The following SLC38A12 variants were observed in gnomAD, a reference collection of about 807,000 sequenced individuals.
SLC38A12 encodes the protein putative sodium-coupled neutral amino acid transporter 12.
At chr17:74,781,768 T>C in the SLC38A12 span, among the ~76,000 whole-genome samples, 1 of 152,246 alleles carries the variant, frequency 6.6e-6, no homozygotes, top group Admixed American at 6.5e-5. Flanking sequence ...GTTAGTGCCC[T>C]GCTTAAAATG....
the SLC38A12 span, chr17:74,777,604 C>T: frequency 1.5e-5 from 23 of 1,497,372 alleles, no homozygotes; most frequent in Non-Finnish European, 2.0e-5. Flanking sequence ...TCAAGCCAAA[C>T]AAAATCGCCA....
the SLC38A12 span, chr17:74,839,439 C>G: frequency 1.8e-5 from 5 of 284,858 alleles, no homozygotes; most frequent in Admixed American, 4.6e-5. Context: ...GATTCCCAAG[C>G]AAGGGTGACC....
the SLC38A12 span, chr17:74,795,674 T>A: frequency 6.6e-7 from 1 of 1,515,620 alleles, no homozygotes; most frequent in Non-Finnish European, 9.2e-7. Context: ...CAGCCCAGCC[T>A]GCACAGCTGA....
the SLC38A12 span, among the ~76,000 whole-genome samples, chr17:74,781,387 C>T: frequency 1.4e-4 from 21 of 152,160 alleles, no homozygotes; most frequent in South Asian, 4.2e-4. Context: ...TGGGCTCAGG[C>T]GATTTTCCCA....
the SLC38A12 span, among the ~76,000 whole-genome samples, chr17:74,822,065 G>A: frequency 2.6e-5 from 4 of 152,186 alleles, no homozygotes; most frequent in East Asian, 1.9e-4. Flanking sequence ...ATTCCTCCCC[G>A]TGTCTGGGGA....
At chr17:74,793,174 C>G in the SLC38A12 span, among the ~76,000 whole-genome samples, 1 of 152,192 alleles carries the variant, frequency 6.6e-6, no homozygotes, top group Non-Finnish European at 1.5e-5. Flanking sequence ...CTCCTCTACC[C>G]TGGAGTTTCT....
chr17:74,788,719 T>C, the SLC38A12 span: 2 of 1,390,840 alleles, frequency 1.4e-6, no homozygotes, highest in South Asian at 2.4e-5. Context: ...GTTCTTACAA[T>C]GGTGTTTTCC....
chr17:74,798,896 G>A, the SLC38A12 span, among the ~76,000 whole-genome samples: 1 of 152,228 alleles, frequency 6.6e-6, no homozygotes, highest in Non-Finnish European at 1.5e-5. Context: ...ACAGTCAGAA[G>A]TTGGCATTTC....
chr17:74,838,571 T>G, the SLC38A12 span: 2 of 1,196,348 alleles, frequency 1.7e-6, no homozygotes, highest in Non-Finnish European at 2.1e-6. Context: ...GGTGGCCGTG[T>G]TCCCTGCCCT....
the SLC38A12 span, chr17:74,836,393 G>A: frequency 1.2e-6 from 2 of 1,611,738 alleles, no homozygotes; most frequent in Admixed American, 1.7e-5. This position sits in a 1 kb window ranked among gnomAD's most constrained non-coding sequence, Gnocchi z 4.2. Flanking sequence ...ACCGCGTCGT[G>A]TTTCCCACCA....
At chr17:74,839,637 A>G in the SLC38A12 span, 1 of 157,950 alleles carries the variant, frequency 6.3e-6, no homozygotes, top group Non-Finnish European at 1.4e-5. Flanking sequence ...AGCCTCCGTG[A>G]CCTGTCCTCC....
At chr17:74,823,056 G>A in the SLC38A12 span, among the ~76,000 whole-genome samples, 2 of 152,132 alleles carry the variant, frequency 1.3e-5, no homozygotes, top group Non-Finnish European at 2.9e-5. Context: ...TTGTCAGTTC[G>A]CCACAAACTC....
At chr17:74,795,660 GC>G in the SLC38A12 span, 2 of 1,577,782 alleles carry the variant, frequency 1.3e-6, no homozygotes, top group African/African-American at 1.3e-5. Context: ...TGTGCCGCCT[GC>G]CCCAGCCCAG....
At chr17:74,815,841 G>A in the SLC38A12 span, among the ~76,000 whole-genome samples, 1 of 152,358 alleles carries the variant, frequency 6.6e-6, no homozygotes. Flanking sequence ...CAAGAGGAAA[G>A]TGGAGGCTCC....
chr17:74,802,134 C>T, the SLC38A12 span, among the ~76,000 whole-genome samples: 1 of 152,198 alleles, frequency 6.6e-6, no homozygotes, highest in South Asian at 2.1e-4. Flanking sequence ...CCTCCACCCT[C>T]ATCCCCAGTG....
the SLC38A12 span, chr17:74,791,118 T>C: frequency 7.9e-7 from 1 of 1,263,562 alleles, no homozygotes; most frequent in Non-Finnish European, 1.1e-6. Flanking sequence ...TAATGAGGGC[T>C]CCACCCTGAC....
the SLC38A12 span, among the ~76,000 whole-genome samples, chr17:74,814,559 AAG>A: frequency 6.6e-6 from 1 of 152,184 alleles, no homozygotes; most frequent in Non-Finnish European, 1.5e-5. Flanking sequence ...CTGCGTTGGG[AAG>A]AGTTATTCCC....
At chr17:74,801,400 C>T in the SLC38A12 span, among the ~76,000 whole-genome samples, 1 of 152,218 alleles carries the variant, frequency 6.6e-6, no homozygotes, top group Non-Finnish European at 1.5e-5. Flanking sequence ...TGTCTTCAGC[C>T]AGCTTTGGTG....
At chr17:74,776,632 A>C in the SLC38A12 span, 2 of 37,778 alleles carry the variant, frequency 5.3e-5, no homozygotes, top group Non-Finnish European at 8.8e-5. Flanking sequence ...GGGTCGGGAT[A>C]GGTTGGGGCG....
Sources: gnomAD v4.1 joint callset for allele counts (sites outside exome capture counted in the v4.1 genomes callset) on GRCh38, gnomAD v4.1.1 for gene constraint, Gnocchi (gnomAD v3.1) non-coding constraint, MANE v1.5 for transcripts, NCBI Gene and HGNC (gene_info 2026-07-23, HGNC 2026-07-21) for gene names.